Variants in MAK observed in about 807,000 individuals in gnomAD.
MAK encodes the protein male germ cell associated kinase.
MAK carries 65 observed loss-of-function variants against 82.6 expected under a neutral mutation model. The observed-to-expected ratio is 0.79, with a 90% CI of 0.64 to 0.97. The LOEUF (loss-of-function observed/expected upper bound fraction) is 0.97, where lower values mean the gene tolerates loss of function less well. Ranked by LOEUF, MAK falls within the 50% of genes least tolerant of loss-of-function variation. MAK has a pLI of 0.00. For synonymous variants in MAK, 250 were observed against 274.2 expected (o/e 0.91, Z 0.87); for missense variants, 703 against 780.2 (o/e 0.90, Z 1.18).
At position 10,773,920 on chromosome 6, in the gene MAK, C is replaced by T. The variant is rs146984683; in HGVS notation, c.1598-812G>A. On this transcript the variant is annotated intron_variant, in intron 12 of 14. Transcript: ENST00000354489. Reference sequence around the variant, plus strand: ...TTCACCATGTTGGTCAGGCGGGTCTCGAACTCCGGACCTTGTGATTCGCCC... The same window carrying T: ...TTCACCATGTTGGTCAGGCGGGTCTTGAACTCCGGACCTTGTGATTCGCCC... Among the ~76,000 whole-genome samples, 756 of 151,930 alleles carry T rather than the reference C, an allele frequency of 5.0e-3. 3 individuals carry two copies. The highest frequency in any genetic ancestry group is 0.011 in the African/African-American group (450 of 41,442).
At position 10,772,741 on chromosome 6, in the gene MAK, T is replaced by A. The variant is rs140768484; in HGVS notation, c.1672+293A>T. On this transcript the variant is annotated intron_variant, in intron 13 of 14. Coordinates refer to ENST00000354489, the MANE Select transcript of MAK (RefSeq NM_001242957.3). Reference sequence around the variant, plus strand: ...TATAGATCGCAAAATTAGAAAATACTCTTTTGATTCTTTTCATTAGAATTA... The same window carrying A: ...TATAGATCGCAAAATTAGAAAATACACTTTTGATTCTTTTCATTAGAATTA... Among the ~76,000 whole-genome samples the A allele has an allele frequency of 3.6e-3, 552 of 152,304 alleles. 1 individual carries two copies. Among genetic ancestry groups the A allele is most frequent in the Non-Finnish European group, 5.9e-3 (404 of 68,038 alleles).
chr6:10,822,794 C>T (rs1208362193), intron 2 of MAK, among the ~76,000 whole-genome samples: 1 of 152,096 alleles, frequency 6.6e-6, no homozygotes, highest in African/African-American at 2.4e-5. Context: ...AGAAATAGAA[C>T]TACCTCTCAA....
chr6:10,785,733 A>G (rs976690265), intron 10 of MAK, among the ~76,000 whole-genome samples: 4 of 152,234 alleles, frequency 2.6e-5, no homozygotes, highest in African/African-American at 9.6e-5. Context: ...ATCTCTGCCC[A>G]TAGACAGAAC....
chr6:10,815,123 T>C (rs1267080658), intron 4 of MAK, among the ~76,000 whole-genome samples: 1 of 151,934 alleles, frequency 6.6e-6, no homozygotes, highest in Admixed American at 6.6e-5. Flanking sequence ...TTAAAATAAA[T>C]CAAACAGGTA....
rs1773462038 is a variant in MAK at position 10,776,418 on chromosome 6, A to T, written c.1466-959T>A. Among the ~76,000 whole-genome samples, 1 of 152,198 alleles carries T rather than the reference A, an allele frequency of 6.6e-6. No individual in the cohort carries two copies. Among genetic ancestry groups the T allele is most frequent in the Non-Finnish European group, 1.5e-5 (1 of 68,040 alleles). On this transcript the variant is annotated intron_variant, in intron 11 of 14. Coordinates refer to ENST00000354489, the MANE Select transcript of MAK (RefSeq NM_001242957.3). The surrounding 1 kb of genome is among the most constrained non-coding windows in gnomAD (Gnocchi z 4.3). ...AGTTGTTTCAACCTGTTCTTAAGAG[A>T]CTGAAAACTTCTTGAGCTTGTTTTC... is the stretch of plus-strand genomic sequence containing the variant.
chr6:10,795,015 T>TAATAAA, intron 9 of MAK, among the ~76,000 whole-genome samples: 1 of 148,756 alleles, frequency 6.7e-6, no homozygotes, highest in African/African-American at 2.5e-5. Context: ...ATAATAATAA[T>TAATAAA]AAATAAAAAC....
chr6:10,766,032 CCTT>C (rs1156792275), intron 14 of MAK, among the ~76,000 whole-genome samples: 1 of 152,236 alleles, frequency 6.6e-6, no homozygotes, highest in Admixed American at 6.5e-5. Context: ...TTCAGTCCCT[CCTT>C]CACGCTTTCC....
At chr6:10,765,977 A>G (rs1772395903) in intron 14 of MAK, among the ~76,000 whole-genome samples, 1 of 152,242 alleles carries the variant, frequency 6.6e-6, no homozygotes, top group Non-Finnish European at 1.5e-5. Context: ...AACATTTCAA[A>G]GGACAAAGCA....
chr6:10,785,466 A>G (rs371025387), intron 10 of MAK, among the ~76,000 whole-genome samples: 16 of 152,314 alleles, frequency 1.1e-4, no homozygotes, highest in African/African-American at 3.8e-4. Flanking sequence ...TTCCACCTAG[A>G]AATTCATGCT....
At chr6:10,772,033 G>A (rs1026660879) in intron 13 of MAK, among the ~76,000 whole-genome samples, 10 of 152,184 alleles carry the variant, frequency 6.6e-5, no homozygotes, top group Middle Eastern at 3.2e-3. Context: ...AATTTCGTCC[G>A]TTTTATGGAC....
chr6:10,771,791 G>T (rs1773044960), intron 13 of MAK, among the ~76,000 whole-genome samples: 1 of 152,218 alleles, frequency 6.6e-6, no homozygotes, highest in Admixed American at 6.5e-5. Flanking sequence ...TGAATTTTGT[G>T]TAAGTTCAGC....
At chr6:10,825,312 C>T (rs1216495429) in intron 2 of MAK, among the ~76,000 whole-genome samples, 2 of 152,220 alleles carry the variant, frequency 1.3e-5, no homozygotes, top group Non-Finnish European at 2.9e-5. Flanking sequence ...CTCCAGACTT[C>T]TTGATACGTG....
intron 5 of MAK, among the ~76,000 whole-genome samples, chr6:10,810,631 G>A (rs920060088): frequency 1.2e-4 from 18 of 152,066 alleles, no homozygotes; most frequent in African/African-American, 3.9e-4. Context: ...GAGCCACCAC[G>A]GCCAGCTGGG....
At chr6:10,796,544 G>A (rs1287265193) in intron 8 of MAK, among the ~76,000 whole-genome samples, 1 of 152,144 alleles carries the variant, frequency 6.6e-6, no homozygotes, top group African/African-American at 2.4e-5. Context: ...GGTGGCTCAC[G>A]CCTATAATCC....
intron 2 of MAK, chr6:10,829,140 C>G (rs1439623174): frequency 1.3e-5 from 2 of 152,196 alleles, no homozygotes; most frequent in South Asian, 2.1e-4. Flanking sequence ...CCCAGCTAAG[C>G]TACTTCTAAA....
intron 14 of MAK, 52 bp from the exon 15 acceptor site, chr6:10,764,658 C>T (rs1260774214): frequency 5.9e-6 from 9 of 1,522,912 alleles, no homozygotes; most frequent in Non-Finnish European, 4.5e-6. Context: ...GCTTATCAAA[C>T]TCAAAATAAA....
chr6:10,824,806 C>T (rs1171795094), intron 2 of MAK, among the ~76,000 whole-genome samples: 2 of 152,224 alleles, frequency 1.3e-5, no homozygotes, highest in African/African-American at 4.8e-5. Context: ...CTCCTTGTCC[C>T]ACTGCAGTCT....
At chr6:10,813,602 T>C (rs1777230935) in intron 5 of MAK, 42 bp downstream of exon 5, 2 of 1,054,770 alleles carry the variant, frequency 1.9e-6, no homozygotes, top group Non-Finnish European at 3.0e-6. Context: ...ATCTGGACAG[T>C]AATCTAAAGA....
chr6:10,764,740 G>T, intron 14 of MAK, 134 bp from the exon 15 acceptor site: 1 of 936,934 alleles, frequency 1.1e-6, no homozygotes, highest in Non-Finnish European at 1.7e-6. Flanking sequence ...ACTCTCTGAG[G>T]CTTTTTAAAT....
Sources: allele counts gnomAD v4.1 joint callset (sites outside exome capture counted in the v4.1 genomes callset), GRCh38; gene constraint gnomAD v4.1.1; non-coding constraint Gnocchi (gnomAD v3.1); transcripts MANE v1.5; gene names NCBI Gene and HGNC (gene_info 2026-07-23, HGNC 2026-07-21).